SMARCA2: variants seen among roughly 807,000 people sequenced by gnomAD.
SMARCA2 encodes the protein SWI/SNF-related matrix-associated actin-dependent regulator of chromatin subfamily A member 2.
SMARCA2 carries 61 observed loss-of-function variants against 199.8 expected under a neutral mutation model. The ratio of observed to expected loss-of-function variants is 0.31; its 90% CI spans 0.25 to 0.38. The LOEUF is 0.38. SMARCA2 is among the 10% of genes least tolerant of loss of function. The probability of loss-of-function intolerance (pLI) is 1.00; values close to 1 mark genes in which losing one functional copy is unlikely to be tolerated. For missense variants in SMARCA2, 1,344 were observed against 2,012.2 expected (o/e 0.67, Z 6.35); for synonymous variants, 935 against 732.0 (o/e 1.28, Z -4.48).
At chr9:2,187,751 G>A (rs1005046261) in intron 32 of SMARCA2, among the ~76,000 whole-genome samples, 5 of 151,884 alleles carry the variant, frequency 3.3e-5, no homozygotes, top group African/African-American at 9.7e-5. Context: ...TGTCTTCACT[G>A]TATACCTCTC....
At chr9:2,178,031 C>T (rs912453754) in intron 29 of SMARCA2, among the ~76,000 whole-genome samples, 10 of 149,054 alleles carry the variant, frequency 6.7e-5, no homozygotes, top group African/African-American at 2.3e-4. Flanking sequence ...AAAAAAAAAA[C>T]GGTTCCCAGA....
intron 1 of SMARCA2, among the ~76,000 whole-genome samples, chr9:2,027,457 A>T (rs1007203309): frequency 4.6e-5 from 7 of 152,202 alleles, no homozygotes; most frequent in African/African-American, 1.7e-4. Context: ...ATGAAAAATT[A>T]AAATAAAGTT....
chr9:2,055,806 T>G (rs1489521556), intron 6 of SMARCA2: 1 of 152,246 alleles, frequency 6.6e-6, no homozygotes, highest in Non-Finnish European at 1.5e-5. Flanking sequence ...GATGAATTAA[T>G]AAAGTGCTGG....
At chr9:2,025,273 G>T (rs1176685328) in intron 1 of SMARCA2, among the ~76,000 whole-genome samples, 1 of 152,106 alleles carries the variant, frequency 6.6e-6, no homozygotes, top group African/African-American at 2.4e-5. Context: ...TTTGGCCCTC[G>T]GGGAGTCCTG....
chr9:2,093,957 CTTGT>C (rs752699105), intron 19 of SMARCA2, among the ~76,000 whole-genome samples: 1 of 152,152 alleles, frequency 6.6e-6, no homozygotes, highest in Non-Finnish European at 1.5e-5. Context: ...AGCATGTCTT[CTTGT>C]TTTTCTTCTC....
At chr9:2,055,419 G>A (rs372333577) in intron 6 of SMARCA2, among the ~76,000 whole-genome samples, 1 of 152,218 alleles carries the variant, frequency 6.6e-6, no homozygotes, top group Non-Finnish European at 1.5e-5. Flanking sequence ...GGACTGAAAA[G>A]GTTCAAGTTT....
At chr9:2,155,765 T>G (rs1825329663) in intron 27 of SMARCA2, among the ~76,000 whole-genome samples, 1 of 133,020 alleles carries the variant, frequency 7.5e-6, no homozygotes, top group South Asian at 2.6e-4. Context: ...TTTTCAAAAG[T>G]GATCTGAAGT....
intron 32 of SMARCA2, among the ~76,000 whole-genome samples, chr9:2,188,589 C>G (rs950127303): frequency 2.0e-5 from 3 of 152,292 alleles, no homozygotes; most frequent in East Asian, 3.9e-4. Context: ...AAGAGCTGCT[C>G]TCTTCCCCCA....
At position 2,119,883 on chromosome 9, in the gene SMARCA2, A is replaced by C. The variant is rs1016987328; in HGVS notation, c.3762+348A>C. Among the ~76,000 whole-genome samples, 2 of 152,190 alleles carry C rather than the reference A, an allele frequency of 1.3e-5. No homozygotes were observed. Among genetic ancestry groups the C allele is most frequent in the Admixed American group, 6.5e-5 (1 of 15,274 alleles). On this transcript the variant is annotated intron_variant, in intron 26 of 33. Coordinates refer to ENST00000349721, the MANE Select transcript of SMARCA2 (RefSeq NM_003070.5). This position sits in a 1 kb window ranked among gnomAD's most constrained non-coding sequence, Gnocchi z 4.6. ...ACTCTCTGGACAGGCCTCGCGGTCTACAGCTTACCATAGACGCCCTCCTGT... is the reference window on the plus strand; with the variant it reads ...ACTCTCTGGACAGGCCTCGCGGTCTCCAGCTTACCATAGACGCCCTCCTGT...
At chr9:2,159,395 T>TA in intron 27 of SMARCA2, 1 of 205,566 alleles carries the variant, frequency 4.9e-6, no homozygotes, top group Non-Finnish European at 9.8e-6. Flanking sequence ...TTAATTTTCT[T>TA]AAAAAATTGT....
intron 27 of SMARCA2, chr9:2,159,715 A>G: frequency 6.8e-7 from 1 of 1,464,078 alleles, no homozygotes; most frequent in Non-Finnish European, 9.2e-7. Context: ...AGCAGATTTG[A>G]GTATCCACAA....
At chr9:2,181,703 T>TTA in intron 30 of SMARCA2, 27 bp downstream of exon 30, 1 of 1,141,622 alleles carries the variant, frequency 8.8e-7, no homozygotes. Context: ...CCAACTTTAT[T>TTA]CTTCAAGTAA....
chr9:2,096,946 G>A (rs187401047), intron 20 of SMARCA2, among the ~76,000 whole-genome samples, 182 bp downstream of exon 20: 21 of 152,288 alleles, frequency 1.4e-4, no homozygotes, highest in Admixed American at 1.4e-3. Context: ...CATTGGGGCA[G>A]GAAGAAAGAA....
chr9:2,092,678 T>C (rs538067513), intron 19 of SMARCA2, among the ~76,000 whole-genome samples: 5 of 152,324 alleles, frequency 3.3e-5, no homozygotes, highest in African/African-American at 1.2e-4. Context: ...AGTTAGGCCA[T>C]TTACTAACAT....
At chr9:2,062,530 G>A (rs1249801326) in intron 9 of SMARCA2, among the ~76,000 whole-genome samples, 1 of 152,212 alleles carries the variant, frequency 6.6e-6, no homozygotes, top group Non-Finnish European at 1.5e-5. Context: ...TGATGATTAT[G>A]CCTATATTTT....
intron 19 of SMARCA2, among the ~76,000 whole-genome samples, chr9:2,093,447 A>T (rs1460435392): frequency 6.6e-6 from 1 of 152,036 alleles, no homozygotes; most frequent in Non-Finnish European, 1.5e-5. Context: ...TGTGTAGGTT[A>T]TCCCAGGGGA....
chr9:2,129,129 G>A (rs1586734237), intron 27 of SMARCA2, among the ~76,000 whole-genome samples: 2 of 152,182 alleles, frequency 1.3e-5, no homozygotes, highest in African/African-American at 2.4e-5. Flanking sequence ...TACAAATCAA[G>A]AGAACTAGGC....
chr9:2,110,849 T>C lies in SMARCA2; in HGVS notation c.3456+432T>C, dbSNP rs1037053488. Among the ~76,000 whole-genome samples, 1 of 152,214 alleles carries C rather than the reference T, an allele frequency of 6.6e-6. No individual in the cohort carries two copies. The highest frequency in any genetic ancestry group is 1.5e-5 in the Non-Finnish European group (1 of 68,028). On this transcript the variant is annotated intron_variant, in intron 24 of 33. Coordinates refer to ENST00000349721, the MANE Select transcript of SMARCA2 (RefSeq NM_003070.5). The surrounding 1 kb of genome is among the most constrained non-coding windows in gnomAD (Gnocchi z 4.8). ...AGACGGTTAATATGATTTGAATCTT[T>C]GCAGTCAAGGAAACTGAATCCTAGG...
chr9:2,038,934 G>A (rs1367681216), intron 3 of SMARCA2, among the ~76,000 whole-genome samples: 4 of 152,050 alleles, frequency 2.6e-5, no homozygotes, highest in African/African-American at 9.7e-5. Context: ...ATTCCCCATT[G>A]AGATATATCA....
Sources: gnomAD v4.1 joint callset for allele counts (sites outside exome capture counted in the v4.1 genomes callset) on GRCh38, gnomAD v4.1.1 for gene constraint, Gnocchi (gnomAD v3.1) non-coding constraint, MANE v1.5 for transcripts, NCBI Gene and HGNC (gene_info 2026-07-23, HGNC 2026-07-21) for gene names.